The following PARN variants were observed in gnomAD, a reference collection of about 807,000 sequenced individuals.
The protein encoded by PARN is poly(A)-specific ribonuclease PARN.
PARN carries 71 observed loss-of-function variants against 102.8 expected under a neutral mutation model. The ratio of observed to expected loss-of-function variants is 0.69; its 90% CI spans 0.57 to 0.84. The LOEUF (loss-of-function observed/expected upper bound fraction) is 0.84. Ranked by LOEUF, PARN falls within the 40% of genes least tolerant of loss-of-function variation. PARN has a pLI of 0.00. For synonymous variants in PARN, 261 were observed against 252.9 expected (o/e 1.03, Z -0.30); for missense variants, 782 against 760.9 (o/e 1.03, Z -0.33).
chr16:14,618,586 G>C (rs1166262297), intron 5 of PARN, among the ~76,000 whole-genome samples: 1 of 151,426 alleles, frequency 6.6e-6, no homozygotes, highest in Non-Finnish European at 1.5e-5. Context: ...TCTTGAGTTT[G>C]GGAGGTGGAG....
intron 21 of PARN, among the ~76,000 whole-genome samples, chr16:14,524,330 C>T (rs567851010): frequency 1.3e-5 from 2 of 152,164 alleles, no homozygotes; most frequent in Non-Finnish European, 2.9e-5. Flanking sequence ...TGGTCCATCA[C>T]GGCGGTTTAG....
chr16:14,559,329 A>G (rs558413917), intron 18 of PARN, among the ~76,000 whole-genome samples: 1 of 151,956 alleles, frequency 6.6e-6, no homozygotes, highest in South Asian at 2.1e-4. Flanking sequence ...GTGTTCTCTA[A>G]TATTTCACCT....
chr16:14,458,798 G>A (rs749381620), intron 22 of PARN, among the ~76,000 whole-genome samples: 19 of 152,176 alleles, frequency 1.2e-4, no homozygotes, highest in Non-Finnish European at 2.6e-4. Flanking sequence ...ATCACCCCAG[G>A]CCAGTAGGAG....
intron 21 of PARN, among the ~76,000 whole-genome samples, chr16:14,513,928 T>C (rs1464618431): frequency 6.6e-6 from 1 of 152,188 alleles, no homozygotes; most frequent in Non-Finnish European, 1.5e-5. Context: ...GGCATCTGTT[T>C]TGTTCACCAC....
intron 18 of PARN, among the ~76,000 whole-genome samples, chr16:14,572,339 C>G (rs1273394944): frequency 6.6e-6 from 1 of 151,800 alleles, no homozygotes; most frequent in Non-Finnish European, 1.5e-5. Flanking sequence ...GGGAAGAAAT[C>G]TTTTCTTTTT....
chr16:14,477,113 G>A (rs778459149), intron 22 of PARN, among the ~76,000 whole-genome samples: 1 of 152,158 alleles, frequency 6.6e-6, no homozygotes, highest in Non-Finnish European at 1.5e-5. Flanking sequence ...ACCAGTAAAA[G>A]ACTGAACAAA....
intron 22 of PARN, 57 bp downstream of exon 22, chr16:14,482,581 C>G: frequency 7.4e-7 from 1 of 1,357,478 alleles, no homozygotes; most frequent in East Asian, 2.4e-5. Flanking sequence ...TGAGAAGCAA[C>G]AAGAAAAGCC....
At chr16:14,493,768 T>C (rs1964174172) in intron 21 of PARN, among the ~76,000 whole-genome samples, 2 of 152,202 alleles carry the variant, frequency 1.3e-5, no homozygotes, top group Admixed American at 1.3e-4. Context: ...GCTTAGGCTG[T>C]AAGTTCCTAT....
At chr16:14,468,747 A>G (rs1962521224) in intron 22 of PARN, among the ~76,000 whole-genome samples, 2 of 152,176 alleles carry the variant, frequency 1.3e-5, no homozygotes, top group Non-Finnish European at 2.9e-5. Context: ...TAGAAAGTTT[A>G]AAGAACTATA....
At chr16:14,593,901 G>A (rs1287093722) in intron 12 of PARN, among the ~76,000 whole-genome samples, 2 of 151,978 alleles carry the variant, frequency 1.3e-5, no homozygotes, top group Non-Finnish European at 2.9e-5. Context: ...GCAGGCTGAG[G>A]CAGGAGAATC....
At chr16:14,597,204 A>G (rs1298749725) in intron 12 of PARN, among the ~76,000 whole-genome samples, 1 of 152,222 alleles carries the variant, frequency 6.6e-6, no homozygotes, top group African/African-American at 2.4e-5. Flanking sequence ...CTGATAGACG[A>G]TAATATTAGT....
intron 22 of PARN, among the ~76,000 whole-genome samples, chr16:14,457,357 T>C (rs1961724102): frequency 6.6e-6 from 1 of 152,168 alleles, no homozygotes; most frequent in African/African-American, 2.4e-5. Context: ...ACTTTCATGG[T>C]GAATTCGAAT....
chr16:14,576,122 T>C (rs771807183), intron 18 of PARN: 21 of 152,278 alleles, frequency 1.4e-4, no homozygotes, highest in Admixed American at 6.5e-5. Context: ...ATTAGCAGCA[T>C]GAAAATGGAC....
chr16:14,472,778 A>G (rs1241849153), intron 22 of PARN, among the ~76,000 whole-genome samples: 2 of 152,244 alleles, frequency 1.3e-5, no homozygotes, highest in Non-Finnish European at 2.9e-5. Context: ...TTCCCTCAAA[A>G]AAGTCCACAC....
intron 21 of PARN, among the ~76,000 whole-genome samples, chr16:14,519,538 T>C (rs1052896899): frequency 6.6e-6 from 1 of 152,084 alleles, no homozygotes; most frequent in African/African-American, 2.4e-5. Context: ...ATGTACAAGA[T>C]GAGCCTGGAA....
intron 21 of PARN, among the ~76,000 whole-genome samples, chr16:14,521,565 G>A (rs1344847552): frequency 6.6e-6 from 1 of 152,190 alleles, no homozygotes; most frequent in Non-Finnish European, 1.5e-5. Flanking sequence ...TTGGGAGGCT[G>A]CGGCGGGCGG....
chr16:14,540,881 G>A (rs1966818345), intron 21 of PARN, among the ~76,000 whole-genome samples: 1 of 152,262 alleles, frequency 6.6e-6, no homozygotes, highest in South Asian at 2.1e-4. Flanking sequence ...AGCCCAGGAG[G>A]TAGAGGCTGC....
At chr16:14,500,456 C>T (rs962152985) in intron 21 of PARN, among the ~76,000 whole-genome samples, 14 of 152,028 alleles carry the variant, frequency 9.2e-5, no homozygotes, top group Admixed American at 2.0e-4. Context: ...AGTGCAGTGG[C>T]TATTCACAGG....
intron 22 of PARN, among the ~76,000 whole-genome samples, chr16:14,459,160 C>T (rs1330738072): frequency 1.3e-5 from 2 of 152,126 alleles, no homozygotes; most frequent in East Asian, 1.9e-4. Flanking sequence ...TACTAGAGGT[C>T]CTAGCCAGAG....
Sources: allele counts gnomAD v4.1 joint callset (sites outside exome capture counted in the v4.1 genomes callset), GRCh38; gene constraint gnomAD v4.1.1; transcripts MANE v1.5; gene names NCBI Gene and HGNC (gene_info 2026-07-23, HGNC 2026-07-21).